PCDHGA4: variants seen among roughly 807,000 people sequenced by gnomAD.
PCDHGA4 encodes protocadherin gamma-A4.
PCDHGA4 carries 38 observed loss-of-function variants against 54.6 expected under a neutral mutation model. The observed-to-expected ratio is 0.70, with a 90% confidence interval of 0.54 to 0.91. PCDHGA4 has a LOEUF of 0.91. PCDHGA4 is among the 40% of genes least tolerant of loss of function. PCDHGA4 has a pLI of 0.00. For missense variants in PCDHGA4, 1,298 were observed against 1,220.9 expected, an observed-to-expected ratio of 1.06 and a Z score of -0.94; for synonymous variants, 511 against 512.9, an observed-to-expected ratio of 1.00 and a Z score of 0.05.
chr5:141,468,763 G>A (rs1341363934), intron 1 of PCDHGA4, among the ~76,000 whole-genome samples: 1 of 152,078 alleles, frequency 6.6e-6, no homozygotes, highest in Non-Finnish European at 1.5e-5. Flanking sequence ...CTACTCGGGA[G>A]GCTGAGGCAG....
rs756144117 is a variant in PCDHGA4, at chr5:141,485,181, G to A, written c.2515-9626G>A. On this transcript the variant is annotated intron_variant, in intron 1 of 3. Transcript: ENST00000571252. This position sits in a 1 kb window ranked among gnomAD's most constrained non-coding sequence, Gnocchi z 5.7. ...AATTAGCGGGCGGCAGCAATGCTCC[G>A]CAAGGTGAGAAGCTGGACAGAAATC... 3.1e-6 allele frequency: 5 copies of A among 1,612,942 alleles called. No individual in the cohort carries two copies. The South Asian group carries it at 4.4e-5, about 14-fold the overall frequency.
intron 1 of PCDHGA4, chr5:141,430,898 G>A: frequency 6.2e-7 from 1 of 1,605,834 alleles, no homozygotes; most frequent in East Asian, 2.2e-5. Flanking sequence ...TAGGGTGGGC[G>A]ACATCTCCAG....
chr5:141,357,145 C>A lies in PCDHGA4; in HGVS notation c.2038C>A (p.His680Asn). 6.2e-7 allele frequency: 1 copy of A among 1,613,564 alleles called. No homozygotes were observed. Among genetic ancestry groups the A allele is most frequent in the Non-Finnish European group, 8.5e-7 (1 of 1,179,852 alleles). Residue 680 changes from histidine to asparagine, a missense_variant, in exon 1 of 4, where the codon CAT becomes AAT. His to Asn is a moderately conservative substitution (Grantham distance 68). Coordinates refer to ENST00000571252, the MANE Select transcript of PCDHGA4 (RefSeq NM_018917.4). ...GAGGCTTGTAGTGGTCGTCCAGGACCATGGCCAGCCCCCTCTCTCGGCCAC... is the reference window on the plus strand; with the variant it reads ...GAGGCTTGTAGTGGTCGTCCAGGACAATGGCCAGCCCCCTCTCTCGGCCAC... Reference protein sequence around the residue: ...KQRLVVVVQDHGQPPLSATVT... With the variant: ...KQRLVVVVQDNGQPPLSATVT...
At chr5:141,505,993 T>TGCGA (rs2099849805) in intron 3 of PCDHGA4, among the ~76,000 whole-genome samples, 1 of 152,188 alleles carries the variant, frequency 6.6e-6, no homozygotes, top group African/African-American at 2.4e-5. Context: ...CTCCTCTTTA[T>TGCGA]GCGAGGCTCC....
At chr5:141,449,273 C>T (rs1168190907) in intron 1 of PCDHGA4, among the ~76,000 whole-genome samples, 1 of 151,982 alleles carries the variant, frequency 6.6e-6, no homozygotes, top group Non-Finnish European at 1.5e-5. Flanking sequence ...ACTGTATCTC[C>T]TTCACCCGGA....
intron 1 of PCDHGA4, chr5:141,416,850 T>C (rs2096064812): frequency 6.6e-6 from 1 of 151,902 alleles, no homozygotes; most frequent in South Asian, 2.1e-4. Flanking sequence ...AATTCCATGA[T>C]TTTTTTCAGG....
At chr5:141,470,139 A>AT (rs146570937) in intron 1 of PCDHGA4, among the ~76,000 whole-genome samples, 7,047 of 152,316 alleles carry the variant, frequency 0.046, 200 homozygotes, top group Middle Eastern at 0.092. Flanking sequence ...AAAAAAAAAG[A>AT]TCATAGATCA....
At chr5:141,446,339 G>A (rs1455819111) in intron 1 of PCDHGA4, among the ~76,000 whole-genome samples, 1 of 152,164 alleles carries the variant, frequency 6.6e-6, no homozygotes, top group Non-Finnish European at 1.5e-5. Flanking sequence ...GAACTGGATG[G>A]ACAAAGCTAC....
At chr5:141,399,656 T>G in intron 1 of PCDHGA4, 1 of 1,613,694 alleles carries the variant, frequency 6.2e-7, no homozygotes, top group Non-Finnish European at 8.5e-7. Context: ...AGTGGGGTGG[T>G]GTTCGCGCAG....
chr5:141,356,240 TCA>T lies in PCDHGA4; in HGVS notation c.1136_1137del (p.Thr379SerfsTer25). ...GATGAAAATGACAACGCACCAGAAG[TCA>T]CAGTTACATCTCTCACCAGCTCAGT... is the stretch of plus-strand genomic sequence containing the variant. On this transcript the variant is annotated frameshift_variant, in exon 1 of 4. Transcript: ENST00000571252. LOFTEE classifies it high-confidence loss of function. The T allele has an allele frequency of 6.3e-7, 1 of 1,584,290 alleles. No individual in the cohort carries two copies. Among genetic ancestry groups the T allele is most frequent in the Non-Finnish European group, 8.6e-7 (1 of 1,164,522 alleles).
At chr5:141,472,369 G>A (rs1194465676) in intron 1 of PCDHGA4, among the ~76,000 whole-genome samples, 2 of 151,770 alleles carry the variant, frequency 1.3e-5, no homozygotes, top group Admixed American at 6.6e-5. Flanking sequence ...GTGAAACCCC[G>A]TCTCCACTAA....
intron 1 of PCDHGA4, chr5:141,361,755 C>A (rs771795005): frequency 1.9e-6 from 3 of 1,613,060 alleles, no homozygotes; most frequent in East Asian, 2.2e-5. Context: ...AGGGCTCGCC[C>A]GCGCTCAGCG....
intron 2 of PCDHGA4, among the ~76,000 whole-genome samples, chr5:141,499,528 G>T (rs961802549): frequency 1.3e-5 from 2 of 152,142 alleles, no homozygotes; most frequent in African/African-American, 2.4e-5. Context: ...AAAGTAGAGA[G>T]AATGGTGTCA....
rs752730619 is a variant in PCDHGA4, at chr5:141,374,101, G to T, written c.2514+16480G>T. On this transcript the variant is annotated intron_variant, in intron 1 of 3. Coordinates refer to ENST00000571252, the MANE Select transcript of PCDHGA4 (RefSeq NM_018917.4). Reference sequence around the variant, plus strand: ...AGCCAGTAATGGCGCCTCCGCAGAGGCATCCGCAGCGCAGCGAGCAGGTCC... The same window carrying T: ...AGCCAGTAATGGCGCCTCCGCAGAGTCATCCGCAGCGCAGCGAGCAGGTCC... 2 of 1,565,390 alleles carry T rather than the reference G, an allele frequency of 1.3e-6. No individual in the cohort carries two copies. The highest frequency in any genetic ancestry group is 1.7e-6 in the Non-Finnish European group (2 of 1,154,124).
In PCDHGA4 at chr5:141,365,826, C is replaced by A. The variant is rs775602102; in HGVS notation, c.2514+8205C>A. The A allele has an allele frequency of 2.5e-6, 4 of 1,613,906 alleles. No homozygotes were observed. In the East Asian group the frequency reaches 6.7e-5, roughly 27 times the overall value. ...CTGGCTGAAGACACATTTCAGGGGGCGCCCTTGTCCTCCTATGTATCCATT... is the reference window on the plus strand; with the variant it reads ...CTGGCTGAAGACACATTTCAGGGGGAGCCCTTGTCCTCCTATGTATCCATT... On this transcript the variant is annotated intron_variant, in intron 1 of 3. Coordinates refer to ENST00000571252, the MANE Select transcript of PCDHGA4 (RefSeq NM_018917.4).
intron 1 of PCDHGA4, chr5:141,395,935 A>T (rs950567838): frequency 6.6e-6 from 1 of 152,118 alleles, no homozygotes; most frequent in Non-Finnish European, 1.5e-5. Context: ...TAGAATGTCC[A>T]TTGCTCCCCC....
At position 141,382,780 on chromosome 5, in the gene PCDHGA4, A is replaced by T. The variant is rs1050419701; in HGVS notation, c.2514+25159A>T. On this transcript the variant is annotated intron_variant, in intron 1 of 3. Coordinates refer to ENST00000571252, the MANE Select transcript of PCDHGA4 (RefSeq NM_018917.4). ...CCCTCTTCCAGGCTGCACTAAACTC[A>T]AGCCTCTATCCTGCTGGATTCTGAG... is the stretch of plus-strand genomic sequence containing the variant. 8.4e-6 allele frequency: 7 copies of T among 836,240 alleles called. No homozygotes were observed. The African/African-American group carries it at 1.2e-4, about 14-fold the overall frequency. 51.8% of individuals were successfully genotyped at this position (836,240 alleles called of 1,614,324 possible).
chr5:141,413,049 A>C (rs2095599926), intron 1 of PCDHGA4: 5 of 904,176 alleles, frequency 5.5e-6, no homozygotes, highest in Non-Finnish European at 8.1e-6. Context: ...GCTGCAGGGA[A>C]GCTCACTCCA....
intron 1 of PCDHGA4, chr5:141,366,264 C>A (rs1421059468): frequency 6.2e-7 from 1 of 1,613,686 alleles, no homozygotes; most frequent in Non-Finnish European, 8.5e-7. Flanking sequence ...CTCGTGGTGG[C>A]CGTCGAAGAC....
Sources: gnomAD v4.1 joint callset for allele counts (sites outside exome capture counted in the v4.1 genomes callset) on GRCh38, gnomAD v4.1.1 for gene constraint, Gnocchi (gnomAD v3.1) non-coding constraint, MANE v1.5 for transcripts, NCBI Gene and HGNC (gene_info 2026-07-23, HGNC 2026-07-21) for gene names.